The following DSCAML1 variants were observed in gnomAD, a reference collection of about 807,000 sequenced individuals.
DSCAML1 encodes the protein DS cell adhesion molecule like 1.
A neutral mutation model predicts 200.5 loss-of-function variants in DSCAML1; 38 were observed. The ratio of observed to expected loss-of-function variants is 0.19; its 90% confidence interval spans 0.15 to 0.25. The LOEUF is 0.25. Among genes scored for constraint, DSCAML1 ranks in the 10% least tolerant of loss-of-function variants. The pLI, the probability that DSCAML1 is intolerant of heterozygous loss-of-function variation, is 1.00. For synonymous variants in DSCAML1, 1,215 were observed against 1,165.0 expected (o/e 1.04, Z -0.87); for missense variants, 2,223 against 2,858.8 (o/e 0.78, Z 5.07).
chr11:117,710,815 T>C lies in DSCAML1; in HGVS notation c.511+65976A>G, dbSNP rs138523331. On this transcript the variant is annotated intron_variant, in intron 3 of 32. Coordinates refer to ENST00000651296, the MANE Select transcript of DSCAML1 (RefSeq NM_020693.4). ...GTGGACAATACCATAAATATAGCAA[T>C]GTCTCTGCTCTCTACAAGTTGACAA... Among the ~76,000 whole-genome samples, 423 of 152,296 alleles carry C rather than the reference T, an allele frequency of 2.8e-3. 3 individuals are homozygous for C. The highest frequency in any genetic ancestry group is 9.4e-3 in the African/African-American group (392 of 41,560).
intron 3 of DSCAML1, among the ~76,000 whole-genome samples, chr11:117,579,649 C>A (rs1398676709): frequency 6.6e-6 from 1 of 152,174 alleles, no homozygotes; most frequent in Non-Finnish European, 1.5e-5. Context: ...TTTTCTAGTT[C>A]GTGACGATAT....
At chr11:117,512,294 C>T (rs1298091838) in intron 8 of DSCAML1, among the ~76,000 whole-genome samples, 3 of 152,186 alleles carry the variant, frequency 2.0e-5, no homozygotes, top group Admixed American at 2.0e-4. Flanking sequence ...CCTTCTCCCC[C>T]TCCAAGTCAG....
At chr11:117,692,792 G>A (rs974673741) in intron 3 of DSCAML1, among the ~76,000 whole-genome samples, 8 of 152,276 alleles carry the variant, frequency 5.3e-5, no homozygotes, top group African/African-American at 1.7e-4. Flanking sequence ...TGGATGGGGA[G>A]ACTCCGTTGA....
intron 6 of DSCAML1, among the ~76,000 whole-genome samples, 183 bp downstream of exon 6, chr11:117,520,947 T>G (rs920804579): frequency 1.1e-4 from 16 of 152,080 alleles, no homozygotes; most frequent in African/African-American, 3.9e-4. Context: ...GAAAAAAGAT[T>G]AAAAAGATTT....
At chr11:117,523,565 C>T (rs963868001) in intron 5 of DSCAML1, among the ~76,000 whole-genome samples, 4 of 152,140 alleles carry the variant, frequency 2.6e-5, no homozygotes, top group Non-Finnish European at 5.9e-5. Context: ...TGTGTTGGGG[C>T]GCTCTTCCAG....
At chr11:117,702,437 G>C (rs555353971) in intron 3 of DSCAML1, among the ~76,000 whole-genome samples, 122 of 151,846 alleles carry the variant, frequency 8.0e-4, no homozygotes, top group African/African-American at 2.9e-3. Flanking sequence ...CCTACCTTAA[G>C]CTTCACCTCC....
chr11:117,813,717 G>A (rs888322226), intron 1 of DSCAML1, among the ~76,000 whole-genome samples: 15 of 151,736 alleles, frequency 9.9e-5, no homozygotes, highest in African/African-American at 3.6e-4. Context: ...CTTACCACAA[G>A]ACCTCCCTTC....
At chr11:117,702,096 C>T (rs1236906677) in intron 3 of DSCAML1, among the ~76,000 whole-genome samples, 1 of 152,226 alleles carries the variant, frequency 6.6e-6, no homozygotes, top group Non-Finnish European at 1.5e-5. Flanking sequence ...GTGTGGCTGC[C>T]TCTTCCCTGC....
chr11:117,719,292 C>A (rs12576975), intron 3 of DSCAML1, among the ~76,000 whole-genome samples: 5,922 of 152,138 alleles, frequency 0.039, 216 homozygotes, highest in African/African-American at 0.098. Flanking sequence ...AAAAATAAAA[C>A]TAAAAAATAA....
At chr11:117,429,519 G>A (rs564224279) in intron 32 of DSCAML1, among the ~76,000 whole-genome samples, 3 of 152,242 alleles carry the variant, frequency 2.0e-5, no homozygotes, top group South Asian at 4.1e-4. Flanking sequence ...TTACAGGCAC[G>A]TGCCACCATG....
chr11:117,774,179 C>T (rs1591495571), intron 3 of DSCAML1, among the ~76,000 whole-genome samples: 1 of 152,206 alleles, frequency 6.6e-6, no homozygotes, highest in Non-Finnish European at 1.5e-5. Context: ...CCAGATTCCT[C>T]TGGAATTCTT....
chr11:117,502,853 G>A (rs926132251), intron 11 of DSCAML1, among the ~76,000 whole-genome samples: 1 of 152,058 alleles, frequency 6.6e-6, no homozygotes, highest in Admixed American at 6.5e-5. Flanking sequence ...CCAACCCCCC[G>A]CTCATAGTGT....
intron 3 of DSCAML1, among the ~76,000 whole-genome samples, chr11:117,648,791 T>G (rs1407892229): frequency 6.6e-6 from 1 of 152,090 alleles, no homozygotes; most frequent in Non-Finnish European, 1.5e-5. Flanking sequence ...TGGCCCAGAA[T>G]CCAAGGCGGC....
intron 27 of DSCAML1, 65 bp from the exon 28 acceptor site, chr11:117,433,536 A>G: frequency 6.4e-7 from 1 of 1,561,886 alleles, no homozygotes; most frequent in East Asian, 2.3e-5. Flanking sequence ...TGACAATGGG[A>G]GAGGCATGGG....
intron 3 of DSCAML1, among the ~76,000 whole-genome samples, chr11:117,774,838 C>T (rs932184437): frequency 2.0e-5 from 3 of 152,160 alleles, no homozygotes; most frequent in Non-Finnish European, 4.4e-5. Context: ...TACTTTACTT[C>T]TTTGAGCCTC....
At chr11:117,626,205 C>G (rs974713038) in intron 3 of DSCAML1, among the ~76,000 whole-genome samples, 4 of 86,276 alleles carry the variant, frequency 4.6e-5, no homozygotes, top group Non-Finnish European at 7.7e-5. Flanking sequence ...TGAGACCCCC[C>G]CCCCTCCTTC....
chr11:117,652,160 G>C (rs924640398), intron 3 of DSCAML1, among the ~76,000 whole-genome samples: 9 of 152,184 alleles, frequency 5.9e-5, no homozygotes, highest in African/African-American at 2.2e-4. Context: ...TTCTAGTAGG[G>C]GAAGCCCCAA....
At chr11:117,582,718 C>T (rs375538363) in intron 3 of DSCAML1, among the ~76,000 whole-genome samples, 8 of 152,118 alleles carry the variant, frequency 5.3e-5, no homozygotes, top group African/African-American at 9.7e-5. Flanking sequence ...CCTCCAGCTC[C>T]GGGGAAGGCT....
chr11:117,696,311 C>A (rs992035436), intron 3 of DSCAML1, among the ~76,000 whole-genome samples: 6 of 152,154 alleles, frequency 3.9e-5, no homozygotes, highest in African/African-American at 1.2e-4. Context: ...CATCTCACCC[C>A]TGAGTGGGAT....
Sources: allele counts gnomAD v4.1 joint callset (sites outside exome capture counted in the v4.1 genomes callset), GRCh38; gene constraint gnomAD v4.1.1; transcripts MANE v1.5; gene names NCBI Gene and HGNC (gene_info 2026-07-23, HGNC 2026-07-21).